ZMYND8: variants seen among roughly 807,000 people sequenced by gnomAD.
ZMYND8 encodes the protein MYND-type zinc finger-containing chromatin reader ZMYND8.
ZMYND8 carries 37 observed loss-of-function variants against 140.8 expected under a neutral mutation model. The ratio of observed to expected loss-of-function variants is 0.26; its 90% CI spans 0.20 to 0.35. ZMYND8 has a LOEUF of 0.35. ZMYND8 is among the 10% of genes least tolerant of loss of function. The pLI, the probability that ZMYND8 is intolerant of heterozygous loss-of-function variation, is 1.00. For missense variants in ZMYND8, 1,068 were observed against 1,570.0 expected (o/e 0.68, Z 5.40); for synonymous variants, 592 against 597.1 (o/e 0.99, Z 0.12).
At chr20:47,327,434 G>A (rs935192498) in intron 2 of ZMYND8, among the ~76,000 whole-genome samples, 5 of 151,872 alleles carry the variant, frequency 3.3e-5, no homozygotes, top group Non-Finnish European at 5.9e-5. Context: ...CAGGCAGATC[G>A]TTTGAAGTCA....
intron 2 of ZMYND8, among the ~76,000 whole-genome samples, chr20:47,324,497 C>A (rs1174416941): frequency 6.6e-6 from 1 of 152,076 alleles, no homozygotes; most frequent in Non-Finnish European, 1.5e-5. Context: ...CCAGCCTGGG[C>A]AACAAGAAGC....
chr20:47,254,751 C>T (rs2074457386), intron 12 of ZMYND8, among the ~76,000 whole-genome samples: 1 of 152,034 alleles, frequency 6.6e-6, no homozygotes. Context: ...AGGGGCTGTC[C>T]CGTGTGTTGT....
chr20:47,213,580 G>A (rs536100989), intron 21 of ZMYND8, among the ~76,000 whole-genome samples: 43 of 152,162 alleles, frequency 2.8e-4, no homozygotes, highest in African/African-American at 9.9e-4. Flanking sequence ...CCTTGACAAC[G>A]GGGAAAGTCA....
chr20:47,337,218 G>A (rs1469889924), intron 2 of ZMYND8, among the ~76,000 whole-genome samples: 1 of 152,100 alleles, frequency 6.6e-6, no homozygotes, highest in Non-Finnish European at 1.5e-5. Context: ...CGGGCGTGGT[G>A]GCAGGCGCCT....
At chr20:47,267,506 G>C (rs1438445846) in intron 11 of ZMYND8, among the ~76,000 whole-genome samples, 2 of 131,224 alleles carry the variant, frequency 1.5e-5, no homozygotes, top group Non-Finnish European at 3.3e-5. Context: ...CGGGGGGGGG[G>C]CAATTAAAAG....
intron 2 of ZMYND8, among the ~76,000 whole-genome samples, chr20:47,339,566 T>A (rs2081663612): frequency 6.6e-6 from 1 of 151,914 alleles, no homozygotes; most frequent in African/African-American, 2.4e-5. Context: ...AAGCTCCGCC[T>A]CCCGGGTTCA....
intron 2 of ZMYND8, among the ~76,000 whole-genome samples, chr20:47,328,819 C>A (rs936631753): frequency 6.6e-6 from 1 of 152,176 alleles, no homozygotes; most frequent in Non-Finnish European, 1.5e-5. Context: ...GGGCAACTAC[C>A]ATGAAATGCC....
At chr20:47,281,671 G>C (rs1038353181) in intron 10 of ZMYND8, among the ~76,000 whole-genome samples, 2 of 152,126 alleles carry the variant, frequency 1.3e-5, no homozygotes, top group Non-Finnish European at 1.5e-5. Flanking sequence ...GAACAGGAGA[G>C]AACTACTCAG....
At chr20:47,257,860 T>C (rs527365274) in intron 12 of ZMYND8, among the ~76,000 whole-genome samples, 1 of 152,206 alleles carries the variant, frequency 6.6e-6, no homozygotes, top group South Asian at 2.1e-4. Flanking sequence ...TTTTGGGGTT[T>C]TGTTTTTGTT....
intron 11 of ZMYND8, among the ~76,000 whole-genome samples, chr20:47,267,269 G>A (rs952199590): frequency 1.3e-5 from 2 of 152,072 alleles, no homozygotes; most frequent in Admixed American, 1.3e-4. Context: ...GAAGTTTGTG[G>A]GGGATGGGGA....
chr20:47,233,700 C>T lies in ZMYND8; in HGVS notation c.2856+2626G>A, dbSNP rs547699667. On this transcript the variant is annotated intron_variant, in intron 16 of 22. Coordinates refer to ENST00000471951, the MANE Select transcript of ZMYND8 (RefSeq NM_001281775.3). ...TCACTAGCTTGTGACCCTAGACACA[C>T]TGTGTAACCTCACCGGGCTTCAGTT... is the stretch of plus-strand genomic sequence containing the variant. Among the ~76,000 whole-genome samples, 194 of 152,316 alleles carry T rather than the reference C, an allele frequency of 1.3e-3. 1 individual carries two copies. Among genetic ancestry groups the T allele is most frequent in the African/African-American group, 4.5e-3 (189 of 41,570 alleles).
At chr20:47,274,858 A>T (rs546350679) in intron 11 of ZMYND8, among the ~76,000 whole-genome samples, 1 of 152,388 alleles carries the variant, frequency 6.6e-6, no homozygotes, top group African/African-American at 2.4e-5. Context: ...TTCCCAAGAA[A>T]CAACACAAGC....
chr20:47,283,690 G>A (rs201797131), intron 8 of ZMYND8, 42 bp from the exon 9 acceptor site: 2 of 1,592,904 alleles, frequency 1.3e-6, no homozygotes, highest in African/African-American at 1.3e-5. Flanking sequence ...CCCCAGGGGT[G>A]GATATCTTGT....
intron 5 of ZMYND8, 69 bp from the exon 6 acceptor site, chr20:47,291,957 C>T: frequency 7.3e-7 from 1 of 1,374,022 alleles, no homozygotes; most frequent in East Asian, 2.4e-5. Flanking sequence ...TTAATGCTAA[C>T]AAAAGGCTTG....
intron 2 of ZMYND8, among the ~76,000 whole-genome samples, chr20:47,334,371 A>G (rs1449661112): frequency 3.3e-5 from 5 of 152,280 alleles, no homozygotes; most frequent in African/African-American, 9.6e-5. Context: ...CCTTGAAAAC[A>G]TTATTCTAAG....
At chr20:47,270,295 C>A (rs2075830349) in intron 11 of ZMYND8, among the ~76,000 whole-genome samples, 1 of 148,964 alleles carries the variant, frequency 6.7e-6, no homozygotes, top group Admixed American at 6.7e-5. Flanking sequence ...ATCGCTTGAA[C>A]CCAGGTGGTA....
chr20:47,319,570 A>T (rs1231714246), intron 2 of ZMYND8: 1 of 157,490 alleles, frequency 6.3e-6, no homozygotes, highest in African/African-American at 2.4e-5. Context: ...AGAAGTGGTG[A>T]TTAAAGGGCA....
chr20:47,225,195 G>T (rs2037512253), intron 18 of ZMYND8, among the ~76,000 whole-genome samples: 1 of 152,114 alleles, frequency 6.6e-6, no homozygotes, highest in African/African-American at 2.4e-5. Flanking sequence ...AGTCTACCAA[G>T]ATTTCTCTAA....
At chr20:47,342,324 T>C (rs1467875998) in intron 2 of ZMYND8, among the ~76,000 whole-genome samples, 2 of 151,172 alleles carry the variant, frequency 1.3e-5, no homozygotes, top group African/African-American at 4.9e-5. Context: ...GCGGGCGGAT[T>C]ACCTGAGGTC....
Sources: gnomAD v4.1 joint callset for allele counts (sites outside exome capture counted in the v4.1 genomes callset) on GRCh38, gnomAD v4.1.1 for gene constraint, MANE v1.5 for transcripts, NCBI Gene and HGNC (gene_info 2026-07-23, HGNC 2026-07-21) for gene names.